MCPH1: variants seen among roughly 807,000 people sequenced by gnomAD.
MCPH1 encodes microcephalin 1.
In MCPH1, 104 loss-of-function variants were observed where a neutral mutation model predicts 84.5. The ratio of observed to expected loss-of-function variants is 1.23; its 90% CI spans 1.05 to 1.45. The LOEUF is 1.45. Among genes scored for constraint, MCPH1 ranks in the 40% most tolerant of loss-of-function variants. MCPH1 has a pLI of 0.00. For missense variants in MCPH1, 1,498 were observed against 1,005.7 expected (o/e 1.49, Z -6.62); for synonymous variants, 514 against 366.8 (o/e 1.40, Z -4.58).
chr8:6,556,560 C>T (rs542060495), intron 12 of MCPH1, among the ~76,000 whole-genome samples: 78 of 152,264 alleles, frequency 5.1e-4, no homozygotes, highest in Middle Eastern at 3.4e-3. Flanking sequence ...CTACACTACA[C>T]GTTCTGACCA....
At chr8:6,546,154 A>T in intron 12 of MCPH1, among the ~76,000 whole-genome samples, 1 of 152,224 alleles carries the variant, frequency 6.6e-6, no homozygotes, top group Non-Finnish European at 1.5e-5. Context: ...TGCTAGTGTG[A>T]AAATTAAGTG....
chr8:6,633,994 G>C (rs1365776874), intron 13 of MCPH1, among the ~76,000 whole-genome samples: 2 of 152,160 alleles, frequency 1.3e-5, no homozygotes, highest in African/African-American at 4.8e-5. Context: ...ATGGTGTTGG[G>C]ATGACCACCA....
intron 11 of MCPH1, among the ~76,000 whole-genome samples, chr8:6,485,814 T>C (rs1586053291): frequency 6.6e-6 from 1 of 152,124 alleles, no homozygotes; most frequent in African/African-American, 2.4e-5. Context: ...CAAACAGATA[T>C]AAATATATGT....
In MCPH1 at chr8:6,586,947, TG is replaced by T. The variant is rs1174426139; in HGVS notation, c.2215-34506del. Among the ~76,000 whole-genome samples, 9 of 152,148 alleles carry T rather than the reference TG, an allele frequency of 5.9e-5. No homozygotes were observed. In the East Asian group the frequency reaches 1.5e-3, roughly 26 times the overall value. On this transcript the variant is annotated intron_variant, in intron 12 of 13. Transcript: ENST00000344683. ...GATGGAAACAGCTCTGCTAACAGAGTGCAGGCTGTGGGAGCCGAGCCCCGTT... is the reference window on the plus strand; with the variant it reads ...GATGGAAACAGCTCTGCTAACAGAGTCAGGCTGTGGGAGCCGAGCCCCGTT...
At chr8:6,516,029 C>G (rs1586283424) in intron 12 of MCPH1, among the ~76,000 whole-genome samples, 1 of 152,280 alleles carries the variant, frequency 6.6e-6, no homozygotes, top group South Asian at 2.1e-4. Flanking sequence ...GGACTTCTCC[C>G]CAGCATGGTT....
intron 11 of MCPH1, among the ~76,000 whole-genome samples, chr8:6,488,689 G>T (rs989797706): frequency 4.6e-5 from 7 of 152,156 alleles, no homozygotes; most frequent in Non-Finnish European, 5.9e-5. Context: ...GTTGGAGAAG[G>T]CTGTAGGGCC....
chr8:6,429,036 A>G (rs554671180), intron 3 of MCPH1, among the ~76,000 whole-genome samples: 65 of 152,328 alleles, frequency 4.3e-4, no homozygotes, highest in African/African-American at 1.5e-3. Context: ...CCTCACTCCC[A>G]CATACACTCA....
At chr8:6,406,801 G>C in intron 1 of MCPH1, 112 bp downstream of exon 1, 1 of 1,218,818 alleles carries the variant, frequency 8.2e-7, no homozygotes, top group Non-Finnish European at 1.2e-6. Flanking sequence ...CCCCTCCCTC[G>C]CTGCCTGTCT....
intron 13 of MCPH1, chr8:6,626,853 G>A (rs974068535): frequency 1.0e-6 from 1 of 984,942 alleles, no homozygotes; most frequent in African/African-American, 1.8e-5. Flanking sequence ...ATCACGAAAG[G>A]CTGGCTTGGC....
At chr8:6,569,827 G>A (rs942361913) in intron 12 of MCPH1, among the ~76,000 whole-genome samples, 8 of 152,166 alleles carry the variant, frequency 5.3e-5, no homozygotes, top group Non-Finnish European at 7.3e-5. Flanking sequence ...CACACATCCC[G>A]AGTGACAGAA....
chr8:6,445,344 A>T lies in MCPH1; in HGVS notation c.1622A>T (p.Asp541Val). 6.2e-7 allele frequency: 1 copy of T among 1,614,252 alleles called. No homozygotes were observed. Among genetic ancestry groups the T allele is most frequent in the Non-Finnish European group, 8.5e-7 (1 of 1,180,044 alleles). The change falls in exon 8 of 14, where the codon GAT (aspartate) becomes GTT (valine). Residue 541 changes from aspartate (D) to valine (V), a missense_variant. Asp to Val is a radical substitution (Grantham distance 152). Coordinates refer to ENST00000344683, the MANE Select transcript of MCPH1 (RefSeq NM_024596.5). ...DPALPKGHDD[D>V]LTPLEGSLEE... is the part of the protein sequence containing the mutation. ...GCTCTTCCAAAAGGACATGATGATG[A>T]TTTAACTCCTTTGGAAGGAAGCCTT...
At chr8:6,581,088 C>A (rs2515523) in intron 12 of MCPH1, among the ~76,000 whole-genome samples, 63,358 of 152,040 alleles carry the variant, frequency 0.42, 14,154 homozygotes, top group East Asian at 0.84. Flanking sequence ...GAAGATGTGC[C>A]TAGGTTATAT....
chr8:6,500,261 A>G (rs914604310), intron 12 of MCPH1: 17 of 322,790 alleles, frequency 5.3e-5, no homozygotes, highest in Non-Finnish European at 9.6e-5. Context: ...TGTTAATAGA[A>G]ATAGAACTGA....
chr8:6,594,142 G>T lies in MCPH1; in HGVS notation c.2215-27312G>T, dbSNP rs550506351. 8.5e-5 allele frequency among the ~76,000 whole-genome samples: 13 copies of T among 152,350 alleles called. No homozygotes were observed. In the South Asian group the frequency reaches 2.7e-3, roughly 32 times the overall value. On this transcript the variant is annotated intron_variant, in intron 12 of 13. Transcript: ENST00000344683. ...GTTTGCTGAGTTGAGCAGGGGTGTG[G>T]CTGCAGGGCCTAGCCTGGCCTCCCA... is the stretch of plus-strand genomic sequence containing the variant.
At chr8:6,502,639 C>A (rs1310675876) in intron 12 of MCPH1, 2 of 153,028 alleles carry the variant, frequency 1.3e-5, no homozygotes, top group African/African-American at 2.4e-5. Context: ...GAGTTTTTTT[C>A]TTCCTTTTAA....
At chr8:6,423,364 A>T (rs1800549334) in intron 3 of MCPH1, among the ~76,000 whole-genome samples, 1 of 150,152 alleles carries the variant, frequency 6.7e-6, no homozygotes, top group Non-Finnish European at 1.5e-5. Context: ...ACGGGGTTTC[A>T]CCGTGTTAGC....
intron 12 of MCPH1, among the ~76,000 whole-genome samples, chr8:6,601,413 C>A (rs1489152929): frequency 6.6e-6 from 1 of 152,036 alleles, no homozygotes; most frequent in Non-Finnish European, 1.5e-5. Flanking sequence ...GCTCTTCCTG[C>A]CCTAATACCG....
At chr8:6,505,234 T>G in intron 12 of MCPH1, among the ~76,000 whole-genome samples, 1 of 4,894 alleles carries the variant, frequency 2.0e-4, no homozygotes, top group Non-Finnish European at 4.8e-4. Context: ...CTTATGTATA[T>G]ATAGAATATA....
chr8:6,538,702 C>G (rs1820953472), intron 12 of MCPH1, among the ~76,000 whole-genome samples: 1 of 152,198 alleles, frequency 6.6e-6, no homozygotes, highest in African/African-American at 2.4e-5. Context: ...GATATCAAAA[C>G]CATTTTGTAT....
Sources: gnomAD v4.1 joint callset for allele counts (sites outside exome capture counted in the v4.1 genomes callset) on GRCh38, gnomAD v4.1.1 for gene constraint, MANE v1.5 for transcripts, NCBI Gene and HGNC (gene_info 2026-07-23, HGNC 2026-07-21) for gene names.